RALYL: variants seen among roughly 807,000 people sequenced by gnomAD.
RALYL encodes RALY RNA binding protein like, also known as RNA-binding Raly-like protein.
In RALYL, 29 loss-of-function variants were observed where a neutral mutation model predicts 35.1. The ratio of observed to expected loss-of-function variants is 0.83; its 90% CI spans 0.61 to 1.13. RALYL has a LOEUF of 1.13. Ranked by LOEUF, RALYL falls within the 50% of genes most tolerant of loss-of-function variation. RALYL has a pLI of 0.00. For synonymous variants in RALYL, 120 were observed against 127.6 expected, an observed-to-expected ratio of 0.94 and a Z score of 0.40; for missense variants, 359 against 360.4, an observed-to-expected ratio of 1.00 and a Z score of 0.03.
At chr8:84,589,145 G>A (rs764569005) in intron 2 of RALYL, among the ~76,000 whole-genome samples, 2 of 152,262 alleles carry the variant, frequency 1.3e-5, no homozygotes, top group Admixed American at 1.3e-4. Context: ...TGATCCGCCC[G>A]CCTCGGCCTC....
chr8:84,328,888 T>A (rs1480330079), intron 1 of RALYL, among the ~76,000 whole-genome samples: 1 of 152,190 alleles, frequency 6.6e-6, no homozygotes, highest in Non-Finnish European at 1.5e-5. Context: ...ATTGATTCGA[T>A]TAGGATGATG....
At chr8:84,200,297 G>A (rs1189452467) in intron 1 of RALYL, among the ~76,000 whole-genome samples, 1 of 152,106 alleles carries the variant, frequency 6.6e-6, no homozygotes, top group Non-Finnish European at 1.5e-5. Context: ...GGATAGCAGT[G>A]ATGATCAGTG....
intron 1 of RALYL, among the ~76,000 whole-genome samples, chr8:84,456,303 C>T (rs974106071): frequency 1.3e-5 from 2 of 152,004 alleles, no homozygotes; most frequent in Non-Finnish European, 1.5e-5. Flanking sequence ...CATTAATTAA[C>T]TCGTTTAACA....
intron 1 of RALYL, among the ~76,000 whole-genome samples, chr8:84,270,877 C>T (rs573983910): frequency 2.6e-5 from 4 of 151,582 alleles, no homozygotes; most frequent in Non-Finnish European, 4.4e-5. Context: ...TGGGATATTC[C>T]AGTGTCAGCA....
intron 2 of RALYL, among the ~76,000 whole-genome samples, chr8:84,685,080 C>A (rs547924754): frequency 2.0e-5 from 3 of 152,192 alleles, no homozygotes; most frequent in Admixed American, 1.3e-4. Context: ...GGATTCTACC[C>A]TCATGACCTC....
chr8:84,676,190 T>G (rs1199642855), intron 2 of RALYL, among the ~76,000 whole-genome samples: 1 of 152,204 alleles, frequency 6.6e-6, no homozygotes, highest in African/African-American at 2.4e-5. Flanking sequence ...TTTGGATTTT[T>G]TCTGATCCAA....
chr8:84,521,552 A>G (rs1480266152), intron 1 of RALYL, among the ~76,000 whole-genome samples: 2 of 152,176 alleles, frequency 1.3e-5, no homozygotes, highest in Non-Finnish European at 2.9e-5. Flanking sequence ...TATAGAATAG[A>G]ACCCTCTGCC....
At chr8:84,600,881 CAT>C (rs1588439786) in intron 2 of RALYL, among the ~76,000 whole-genome samples, 1 of 152,046 alleles carries the variant, frequency 6.6e-6, no homozygotes, top group Non-Finnish European at 1.5e-5. Context: ...GGTTTCATGT[CAT>C]ATGTGTTTCT....
At chr8:84,844,286 A>G (rs940341415) in intron 4 of RALYL, among the ~76,000 whole-genome samples, 2 of 152,150 alleles carry the variant, frequency 1.3e-5, no homozygotes, top group African/African-American at 4.8e-5. Flanking sequence ...AAAACAAACA[A>G]CCTCATCAAA....
At position 84,887,816 on chromosome 8, in the gene RALYL, C is replaced by A. The variant is rs747917121; in HGVS notation, c.858+40C>A. ...TTTGGTATTCACACCCTTTGGGTAA[C>A]AACACTAGCATGTTAGCAACTCATT... On this transcript the variant is annotated intron_variant, in intron 8 of 8. Transcript: ENST00000521268. The A allele has an allele frequency of 2.0e-5, 30 of 1,534,238 alleles. No individual in the cohort carries two copies. The African/African-American group carries it at 3.9e-4, about 20-fold the overall frequency.
intron 1 of RALYL, among the ~76,000 whole-genome samples, chr8:84,483,260 C>T (rs1210054805): frequency 6.6e-6 from 1 of 152,100 alleles, no homozygotes; most frequent in Non-Finnish European, 1.5e-5. Flanking sequence ...TTCTAATACT[C>T]TAAAAAGATA....
At chr8:84,684,868 A>G (rs1004158623) in intron 2 of RALYL, among the ~76,000 whole-genome samples, 4 of 152,192 alleles carry the variant, frequency 2.6e-5, no homozygotes, top group Non-Finnish European at 5.9e-5. Flanking sequence ...AAGTTTAAGC[A>G]ACAGCAATTT....
intron 2 of RALYL, among the ~76,000 whole-genome samples, chr8:84,623,164 T>C (rs933062619): frequency 1.3e-5 from 2 of 152,204 alleles, no homozygotes; most frequent in Non-Finnish European, 2.9e-5. Flanking sequence ...CAGTTCCACT[T>C]GTCAGCTGGG....
intron 1 of RALYL, among the ~76,000 whole-genome samples, chr8:84,226,636 C>G (rs924355365): frequency 2.0e-5 from 3 of 152,110 alleles, no homozygotes; most frequent in Non-Finnish European, 2.9e-5. Context: ...TAATTTACAT[C>G]TACATCTACT....
chr8:84,297,834 G>A (rs1156668479), intron 1 of RALYL, among the ~76,000 whole-genome samples: 6 of 151,874 alleles, frequency 4.0e-5, no homozygotes, highest in South Asian at 2.1e-4. Context: ...TGTTGTTTGC[G>A]TGTATGTCTT....
intron 2 of RALYL, among the ~76,000 whole-genome samples, chr8:84,735,441 G>A (rs892442720): frequency 3.3e-5 from 5 of 151,832 alleles, no homozygotes; most frequent in African/African-American, 9.7e-5. Context: ...CATGGCTTCA[G>A]AAACCACAGA....
chr8:84,312,306 G>T (rs1218253051), intron 1 of RALYL, among the ~76,000 whole-genome samples: 1 of 152,146 alleles, frequency 6.6e-6, no homozygotes, highest in Non-Finnish European at 1.5e-5. Context: ...TGGGGACACA[G>T]AGCAAAACCA....
chr8:84,573,123 TA>T (rs1454758695), intron 2 of RALYL, among the ~76,000 whole-genome samples: 1 of 151,402 alleles, frequency 6.6e-6, no homozygotes, highest in Admixed American at 6.6e-5. Context: ...ACACAATATA[TA>T]TTTTTTTACT....
chr8:84,864,888 A>C, intron 6 of RALYL: 1 of 421,654 alleles, frequency 2.4e-6, no homozygotes, highest in Non-Finnish European at 4.5e-6. Flanking sequence ...GATGTACTTG[A>C]GCATGATGCC....
Sources: gnomAD v4.1 joint callset for allele counts (sites outside exome capture counted in the v4.1 genomes callset) on GRCh38, gnomAD v4.1.1 for gene constraint, MANE v1.5 for transcripts, NCBI Gene and HGNC (gene_info 2026-07-23, HGNC 2026-07-21) for gene names.